The following KIDINS220 variants were observed in gnomAD, a reference collection of about 807,000 sequenced individuals.
The protein encoded by KIDINS220 is kinase D interacting substrate 220.
KIDINS220 carries 63 observed loss-of-function variants against 157.6 expected under a neutral mutation model. The observed-to-expected ratio is 0.40, with a 90% CI of 0.33 to 0.49. The LOEUF (loss-of-function observed/expected upper bound fraction) is 0.49. Ranked by LOEUF, KIDINS220 falls within the 20% of genes least tolerant of loss-of-function variation. KIDINS220 has a pLI of 0.66. For synonymous variants in KIDINS220, 732 were observed against 783.6 expected (o/e 0.93, Z 1.10); for missense variants, 1,772 against 2,171.2 (o/e 0.82, Z 3.65).
intron 8 of KIDINS220, among the ~76,000 whole-genome samples, chr2:8,802,639 A>G (rs959085184): frequency 2.0e-5 from 3 of 152,172 alleles, no homozygotes; most frequent in African/African-American, 7.2e-5. Flanking sequence ...AGTAAGTGTG[A>G]GCTCAAAGAA....
intron 22 of KIDINS220, among the ~76,000 whole-genome samples, chr2:8,767,845 T>C (rs1669679102): frequency 6.6e-6 from 1 of 151,524 alleles, no homozygotes; most frequent in South Asian, 2.1e-4. Context: ...ATTAAAGTCA[T>C]AAATTAGATG....
chr2:8,739,357 T>C (rs1000809383), intron 26 of KIDINS220, among the ~76,000 whole-genome samples: 1 of 152,194 alleles, frequency 6.6e-6, no homozygotes, highest in African/African-American at 2.4e-5. Flanking sequence ...TGACCCTTAT[T>C]ATAAGTTGGG....
At chr2:8,741,282 T>C (rs1211725774) in intron 26 of KIDINS220, among the ~76,000 whole-genome samples, 2 of 152,162 alleles carry the variant, frequency 1.3e-5, no homozygotes, top group Non-Finnish European at 2.9e-5. Flanking sequence ...AAAACACAAG[T>C]ACTGGCAGGG....
At chr2:8,764,470 T>C (rs1327173719) in intron 22 of KIDINS220, among the ~76,000 whole-genome samples, 1 of 152,076 alleles carries the variant, frequency 6.6e-6, no homozygotes, top group African/African-American at 2.4e-5. Flanking sequence ...TAAGAAACCT[T>C]AGAAATGCAG....
chr2:8,807,359 C>A (rs1258223927), intron 6 of KIDINS220, among the ~76,000 whole-genome samples: 1 of 152,096 alleles, frequency 6.6e-6, no homozygotes, highest in Admixed American at 6.6e-5. Context: ...TACATGGAGC[C>A]CACAGATAAT....
chr2:8,757,221 C>T, intron 22 of KIDINS220: 1 of 980,920 alleles, frequency 1.0e-6, no homozygotes, highest in Non-Finnish European at 1.2e-6. Flanking sequence ...AAAGTGCATA[C>T]TTTAATAGGA....
intron 4 of KIDINS220, 60 bp from the exon 5 acceptor site, chr2:8,813,395 AT>A: frequency 9.0e-7 from 1 of 1,109,436 alleles, no homozygotes; most frequent in Non-Finnish European, 1.3e-6. Flanking sequence ...AGTATAAAAA[AT>A]GTCACTAATG....
chr2:8,825,335 T>C (rs571327277), intron 2 of KIDINS220, among the ~76,000 whole-genome samples: 139 of 128,954 alleles, frequency 1.1e-3, no homozygotes, highest in African/African-American at 4.0e-3. Context: ...ATCACACCAC[T>C]TCACACCAAC....
chr2:8,795,698 C>A (rs1376105694), intron 11 of KIDINS220, among the ~76,000 whole-genome samples: 2 of 152,046 alleles, frequency 1.3e-5, no homozygotes, highest in Non-Finnish European at 2.9e-5. Flanking sequence ...AAGGCAGAGG[C>A]CTTCAGGAAA....
At chr2:8,768,180 C>T (rs912989754) in intron 22 of KIDINS220, among the ~76,000 whole-genome samples, 1 of 151,610 alleles carries the variant, frequency 6.6e-6, no homozygotes, top group South Asian at 2.1e-4. Context: ...GTCTAAAATG[C>T]TGCAATAAAA....
chr2:8,768,726 A>G (rs1056097969), intron 22 of KIDINS220, among the ~76,000 whole-genome samples: 5 of 152,202 alleles, frequency 3.3e-5, no homozygotes, highest in African/African-American at 1.2e-4. Context: ...TATTCAAATG[A>G]CAAGCAATAG....
At chr2:8,831,917 T>C (rs948719831) in intron 1 of KIDINS220, among the ~76,000 whole-genome samples, 4 of 152,166 alleles carry the variant, frequency 2.6e-5, no homozygotes, top group African/African-American at 9.7e-5. Flanking sequence ...AACATGAACA[T>C]CACCCAAACC....
chr2:8,806,131 C>A (rs1675418904), intron 7 of KIDINS220, 140 bp downstream of exon 7: 1 of 643,632 alleles, frequency 1.6e-6, no homozygotes, highest in Non-Finnish European at 2.8e-6. Flanking sequence ...CTTAGAGTAA[C>A]AGGAAATGCT....
In KIDINS220 at chr2:8,826,762, A is replaced by G. The variant is rs191530496; in HGVS notation, c.108+224T>C. The G allele has an allele frequency of 6.5e-3, 1,918 of 296,418 alleles. 19 individuals are homozygous for G. Among genetic ancestry groups the G allele is most frequent in the Non-Finnish European group, 8.2e-3 (1,326 of 161,350 alleles). The allele number at this position is 296,418 out of a possible 1,614,324, so 18.4% of individuals were successfully genotyped here. Reference sequence around the variant, plus strand: ...TGAATATTAATTATTCCATCAGGGGAAAAAAAACAATAAATCTAAATTCAA... The same window carrying G: ...TGAATATTAATTATTCCATCAGGGGGAAAAAAACAATAAATCTAAATTCAA... On this transcript the variant is annotated intron_variant, in intron 2 of 29. Coordinates refer to ENST00000256707, the MANE Select transcript of KIDINS220 (RefSeq NM_020738.4).
chr2:8,748,040 C>A, intron 24 of KIDINS220, 40 bp from the exon 25 acceptor site: 2 of 1,192,972 alleles, frequency 1.7e-6, no homozygotes, highest in South Asian at 1.7e-5. Flanking sequence ...TAAACAATTA[C>A]AGAAATGAAA....
chr2:8,815,696 T>C (rs1676989793), intron 4 of KIDINS220, among the ~76,000 whole-genome samples: 1 of 152,016 alleles, frequency 6.6e-6, no homozygotes, highest in African/African-American at 2.4e-5. Context: ...AAGAATAATG[T>C]CCCTCTGGCC....
intron 5 of KIDINS220, 38 bp from the exon 6 acceptor site, chr2:8,812,531 T>G (rs1201379460): frequency 2.5e-6 from 3 of 1,210,250 alleles, no homozygotes; most frequent in East Asian, 5.4e-5. Context: ...GGTAGATAAG[T>G]AGGAAGGAAG....
intron 22 of KIDINS220, among the ~76,000 whole-genome samples, chr2:8,765,266 C>A (rs1306394801): frequency 3.9e-5 from 6 of 152,182 alleles, no homozygotes; most frequent in Non-Finnish European, 8.8e-5. Flanking sequence ...ATCATTTGCA[C>A]TTTATACTAT....
Position 8,747,879 on chromosome 2 carries a change from ATACTTAC to A in KIDINS220, c.3528+1_3528+7del. ...ATTAATATTTGCGTTACCCTTTTAT[ATACTTAC>A]TAGGCCATTGTTCTGATCTCTGGGC... is the stretch of plus-strand genomic sequence containing the variant. On this transcript the variant is annotated splice_donor_variant and splice_donor_5th_base_variant and intron_variant, in intron 25 of 29. Coordinates refer to ENST00000256707, the MANE Select transcript of KIDINS220 (RefSeq NM_020738.4). LOFTEE classifies it high-confidence loss of function. 6.5e-7 allele frequency: 1 copy of A among 1,530,064 alleles called. No homozygotes were observed. The highest frequency in any genetic ancestry group is 8.9e-7 in the Non-Finnish European group (1 of 1,124,418). The allele number at this position is 1,530,064 out of a possible 1,614,324, so 94.8% of individuals were successfully genotyped here.
Sources: allele counts gnomAD v4.1 joint callset (sites outside exome capture counted in the v4.1 genomes callset), GRCh38; gene constraint gnomAD v4.1.1; transcripts MANE v1.5; gene names NCBI Gene and HGNC (gene_info 2026-07-23, HGNC 2026-07-21).